Variants in VARS2 observed in about 807,000 individuals in gnomAD.
VARS2 encodes the protein valyl-tRNA synthetase 2, mitochondrial, also known as valine--tRNA ligase, mitochondrial.
A neutral mutation model predicts 154.1 loss-of-function variants in VARS2; 105 were observed. That is an observed-to-expected ratio of 0.68 (90% CI 0.58 to 0.80). VARS2 has a LOEUF of 0.80. VARS2 is among the 30% of genes least tolerant of loss of function. The pLI is 0.00. For missense variants in VARS2, 1,157 were observed against 1,361.4 expected, an observed-to-expected ratio of 0.85 and a Z score of 2.36; for synonymous variants, 483 against 539.5, an observed-to-expected ratio of 0.90 and a Z score of 1.45.
At chr6:30,925,509 T>C in intron 27 of VARS2, 35 bp from the exon 28 acceptor site, 30 of 1,559,320 alleles carry the variant, frequency 1.9e-5, no homozygotes, top group Non-Finnish European at 2.6e-5. Flanking sequence ...AGGCAGGAGC[T>C]GAGGCCTTGC....
Position 30,923,517 on chromosome 6 carries a change from TG to T in VARS2, c.2466+17del. The T allele has an allele frequency of 6.2e-7, 1 of 1,603,438 alleles. No homozygotes were observed. The highest frequency in any genetic ancestry group is 8.5e-7 in the Non-Finnish European group (1 of 1,174,868). ...GTGACGTCTACCTGGTGAGTGAGGCTGGGGGAGGCTTGGTATTCCCATGCCT... is the reference window on the plus strand; with the variant it reads ...GTGACGTCTACCTGGTGAGTGAGGCTGGGGAGGCTTGGTATTCCCATGCCT... On this transcript the variant is annotated intron_variant, in intron 25 of 29. Transcript: ENST00000676266.
In VARS2 at chr6:30,917,189, TC is replaced by T; in HGVS notation, c.839del (p.Ser280TyrfsTer4). On this transcript the variant is annotated frameshift_variant, in exon 9 of 30. Coordinates refer to ENST00000676266, the MANE Select transcript of VARS2 (RefSeq NM_020442.6). LOFTEE classifies it high-confidence loss of function. This position sits in a 1 kb window ranked among gnomAD's most constrained non-coding sequence, Gnocchi z 4.4. ...LYRNHQLVNW[S>X]CALRSAISDI... is the part of the protein sequence containing the mutation. ...CCGGAACCATCAGCTTGTCAACTGG[TC>T]ATGTGCTTTAAGATCAGCCATCTCG... 6.2e-7 allele frequency: 1 copy of T among 1,614,122 alleles called. No homozygotes were observed. The highest frequency in any genetic ancestry group is 8.5e-7 in the Non-Finnish European group (1 of 1,180,014).
Position 30,921,416 on chromosome 6 carries a change from T to G in VARS2, c.1632+111T>G. The G allele has an allele frequency of 6.8e-7, 1 of 1,470,666 alleles. No homozygotes were observed. Among genetic ancestry groups the G allele is most frequent in the Non-Finnish European group, 9.4e-7 (1 of 1,062,984 alleles). The allele number at this position is 1,470,666 out of a possible 1,614,324, so 91.1% of individuals were successfully genotyped here. A position where few individuals can be genotyped will look rare whatever the true frequency, so the allele number is the denominator to read the frequency against. On this transcript the variant is annotated intron_variant, in intron 17 of 29. Coordinates refer to ENST00000676266, the MANE Select transcript of VARS2 (RefSeq NM_020442.6). This position sits in a 1 kb window ranked among gnomAD's most constrained non-coding sequence, Gnocchi z 4.6. ...TCCTGCCTGGTCATGTGCTTCATGC[T>G]CATAGTCATGTAACCTTCTGCGCGA...
Position 30,918,927 on chromosome 6 carries a change from T to C in VARS2, c.1074+12T>C. On this transcript the variant is annotated intron_variant, in intron 11 of 29. Coordinates refer to ENST00000676266, the MANE Select transcript of VARS2 (RefSeq NM_020442.6). ...ACTCGCGATACACAGTAATACCCAG[T>C]GCGCTCCTGCACTCTGGCCCGCCCC... is the stretch of plus-strand genomic sequence containing the variant. 2 of 1,611,016 alleles carry C rather than the reference T, an allele frequency of 1.2e-6. No homozygotes were observed. Among genetic ancestry groups the C allele is most frequent in the Non-Finnish European group, 1.7e-6 (2 of 1,178,840 alleles).
In VARS2 at chr6:30,914,245, TG is replaced by T; in HGVS notation, c.-126del. 1 of 702,508 alleles carries T rather than the reference TG, an allele frequency of 1.4e-6. No homozygotes were observed. Among genetic ancestry groups the T allele is most frequent in the Non-Finnish European group, 2.0e-6 (1 of 507,810 alleles). 43.5% of individuals were successfully genotyped at this position (702,508 alleles called of 1,614,324 possible). A position where few individuals can be genotyped will look rare whatever the true frequency, so the allele number is the denominator to read the frequency against. Reference sequence around the variant, plus strand: ...TGCGCCGGCCGGGGCCCCGCCCCCATGCGCCGCGCGGCTCCAGGGCCACGTT... The same window carrying T: ...TGCGCCGGCCGGGGCCCCGCCCCCATCGCCGCGCGGCTCCAGGGCCACGTT... On this transcript the variant is annotated 5_prime_UTR_variant, in exon 1 of 30. An upstream start codon of the reference 5' UTR is lost. Transcript: ENST00000676266.
rs1189128323 is a variant in VARS2 at position 30,921,065 on chromosome 6, G to T, written c.1480G>T (p.Ala494Ser). Residue 494 changes from alanine to serine, a missense_variant and splice_region_variant, in exon 16 of 30, where the codon GCT becomes TCT. By Grantham distance (99) the Ala-to-Ser change is moderately conservative. Coordinates refer to ENST00000676266, the MANE Select transcript of VARS2 (RefSeq NM_020442.6). This position sits in a 1 kb window ranked among gnomAD's most constrained non-coding sequence, Gnocchi z 4.6. Reference sequence around the variant, plus strand: ...TGTCTAAAGTCCCCTTTCTCTCCAGGCTGTGGAGTCGGGGGCCCTGGAGCT... The same window carrying T: ...TGTCTAAAGTCCCCTTTCTCTCCAGTCTGTGGAGTCGGGGGCCCTGGAGCT... ...CQEMGARAAKAVESGALELSP... is the reference protein window; with the variant it reads ...CQEMGARAAKSVESGALELSP... 3.1e-6 allele frequency: 5 copies of T among 1,611,030 alleles called. No individual in the cohort carries two copies. Among genetic ancestry groups the T allele is most frequent in the Non-Finnish European group, 4.2e-6 (5 of 1,178,560 alleles).
At position 30,924,530 on chromosome 6, in the gene VARS2, G is replaced by T; in HGVS notation, c.2643G>T (p.Ser881=). 1 of 1,572,984 alleles carries T rather than the reference G, an allele frequency of 6.4e-7. No homozygotes were observed. ...RPGCPPAPSI[S]VAPYPSACSL... ...GTTGCCCCCCTGCCCCCAGCATCTC[G>T]GTTGCCCCCTACCCCAGCGCCTGCA... Residue 881 remains serine, a synonymous_variant, in exon 26 of 30, where the codon TCG becomes TCT. Transcript: ENST00000676266.
At chr6:30,918,951 C>T (rs776206159) in intron 11 of VARS2, 36 bp downstream of exon 11, 3 of 1,574,528 alleles carry the variant, frequency 1.9e-6, no homozygotes, top group South Asian at 1.1e-5. Flanking sequence ...CTGGCCCGCC[C>T]CGCCAATGGC....
chr6:30,922,382 T>G, intron 20 of VARS2, 68 bp from the exon 21 acceptor site: 1 of 1,606,788 alleles, frequency 6.2e-7, no homozygotes, highest in East Asian at 2.2e-5. Flanking sequence ...CCCCCAAAAG[T>G]ATGGAGGCCA....
In VARS2 at chr6:30,918,866, T is replaced by C. The variant is rs746096726; in HGVS notation, c.1025T>C (p.Leu342Pro). 9 of 1,613,040 alleles carry C rather than the reference T, an allele frequency of 5.6e-6. No homozygotes were observed. The South Asian group carries it at 9.9e-5, about 18-fold the overall frequency. ...VVVGTTRPET[L>P]PGDVAVAVHP... ...GTAGGAACCACAAGGCCAGAGACGC[T>C]GCCTGGAGATGTGGCTGTGGCCGTT... The change falls in exon 11 of 30, where the codon CTG (leucine) becomes CCG (proline). Residue 342 changes from leucine to proline, a missense_variant. Transcript: ENST00000676266.
At position 30,919,793 on chromosome 6, in the gene VARS2, G is replaced by A. The variant is rs1449482372; in HGVS notation, c.1110G>A (p.Met370Ile). The A allele has an allele frequency of 6.3e-7, 1 of 1,593,970 alleles. No homozygotes were observed. The highest frequency in any genetic ancestry group is 1.7e-5 in the Admixed American group (1 of 58,432). Residue 370 changes from methionine (M) to isoleucine (I), a missense_variant, in exon 12 of 30, where the codon ATG (methionine) becomes ATA (isoleucine). Transcript: ENST00000676266. This position sits in a 1 kb window ranked among gnomAD's most constrained non-coding sequence, Gnocchi z 4.5. ...GGCGACAGCTTCGTCACCCCTTGAT[G>A]GGGCAGCCTCTTCCCCTCATCACAG... is the stretch of plus-strand genomic sequence containing the variant. ...LHGRQLRHPL[M>I]GQPLPLITDY...
rs1167926539 is a variant in VARS2, at chr6:30,917,189, T to C, written c.838T>C (p.Ser280Pro). ...LYRNHQLVNW[S>P]CALRSAISDI... is the part of the protein sequence containing the mutation. ...CCGGAACCATCAGCTTGTCAACTGG[T>C]CATGTGCTTTAAGATCAGCCATCTC... Residue 280 changes from serine (S) to proline (P), a missense_variant, in exon 9 of 30, where the codon TCA becomes CCA. By Grantham distance (74) the Ser-to-Pro change is moderately conservative. Coordinates refer to ENST00000676266, the MANE Select transcript of VARS2 (RefSeq NM_020442.6). The surrounding 1 kb of genome is among the most constrained non-coding windows in gnomAD (Gnocchi z 4.4). 6.2e-7 allele frequency: 1 copy of C among 1,614,004 alleles called. No individual in the cohort carries two copies. Among genetic ancestry groups the C allele is most frequent in the Non-Finnish European group, 8.5e-7 (1 of 1,180,022 alleles).
Position 30,916,021 on chromosome 6 carries a change from T to G in VARS2, c.547T>G (p.Ser183Ala), listed in dbSNP as rs753983802. ...GGATCAAGTGCTGTGGGTCCCTGGT[T>G]CAGATCATGCAGGAATTGCTACACA... is the stretch of plus-strand genomic sequence containing the variant. ...RGDQVLWVPG[S>A]DHAGIATQAV... Residue 183 changes from serine (S) to alanine (A), a missense_variant, in exon 6 of 30, where the codon TCA (serine) becomes GCA (alanine). Ser to Ala is a moderately conservative substitution (Grantham distance 99). Coordinates refer to ENST00000676266, the MANE Select transcript of VARS2 (RefSeq NM_020442.6). The surrounding 1 kb of genome is among the most constrained non-coding windows in gnomAD (Gnocchi z 4.0). 155 of 1,613,898 alleles carry G rather than the reference T, an allele frequency of 9.6e-5. 1 individual carries two copies. The East Asian group carries it at 3.5e-3, about 36-fold the overall frequency.
Position 30,916,473 on chromosome 6 carries a change from TG to T in VARS2, c.671+225del, listed in dbSNP as rs1457389460. The T allele has an allele frequency of 6.6e-5, 24 of 364,936 alleles. No homozygotes were observed. Among genetic ancestry groups the T allele is most frequent in the Non-Finnish European group, 9.6e-5 (21 of 217,622 alleles). 22.6% of individuals were successfully genotyped at this position (364,936 alleles called of 1,614,324 possible). On this transcript the variant is annotated intron_variant, in intron 7 of 29. Coordinates refer to ENST00000676266, the MANE Select transcript of VARS2 (RefSeq NM_020442.6). The surrounding 1 kb of genome is among the most constrained non-coding windows in gnomAD (Gnocchi z 4.0). Reference sequence around the variant, plus strand: ...ATATTCGTGTGTGTGTGTGTGTGTGTGTGTATTTATATATATATATATATTT... The same window carrying T: ...ATATTCGTGTGTGTGTGTGTGTGTGTTGTATTTATATATATATATATATTT...
intron 2 of VARS2, 45 bp downstream of exon 2, chr6:30,915,082 G>A (rs1442667445): frequency 6.2e-7 from 1 of 1,610,904 alleles, no homozygotes. Context: ...AGACTTGAGA[G>A]GGGCTGGAGG....
At position 30,920,783 on chromosome 6, in the gene VARS2, G is replaced by A. The variant is rs1180925481; in HGVS notation, c.1479+34G>A. ...GCAGTGTAGGAAGGACTGGGGCCAG[G>A]GGTTGGGGGAGCTCCCTGAGAATTG... On this transcript the variant is annotated intron_variant, in intron 15 of 29. Transcript: ENST00000676266. This position sits in a 1 kb window ranked among gnomAD's most constrained non-coding sequence, Gnocchi z 4.6. 2 of 1,505,350 alleles carry A rather than the reference G, an allele frequency of 1.3e-6. No individual in the cohort carries two copies. The highest frequency in any genetic ancestry group is 1.4e-5 in the African/African-American group (1 of 71,986). 93.2% of individuals were successfully genotyped at this position (1,505,350 alleles called of 1,614,324 possible). A position where few individuals can be genotyped will look rare whatever the true frequency, so the allele number is the denominator to read the frequency against.
At chr6:30,922,614 G>C in intron 21 of VARS2, 60 bp downstream of exon 21, 1 of 1,562,874 alleles carries the variant, frequency 6.4e-7, no homozygotes, top group Non-Finnish European at 8.7e-7. Flanking sequence ...AGAGAGGAAG[G>C]CAGGCTGAGG....
chr6:30,922,645 G>A (rs1389149370), intron 21 of VARS2, 61 bp from the exon 22 acceptor site: 11 of 1,583,732 alleles, frequency 6.9e-6, no homozygotes, highest in Admixed American at 1.7e-5. Flanking sequence ...GCCAGCAGGT[G>A]TGACCCTTAT....
rs550135369 is a variant in VARS2 at position 30,919,623 on chromosome 6, T to G, written c.1075-135T>G. On this transcript the variant is annotated intron_variant, in intron 11 of 29. Transcript: ENST00000676266. This position sits in a 1 kb window ranked among gnomAD's most constrained non-coding sequence, Gnocchi z 4.5. ...CTAAAATATCTACATTCTGGCCCCT[T>G]AAGAGTTTGCTGACCTTGCTCTAGC... is the stretch of plus-strand genomic sequence containing the variant. 1.6e-6 allele frequency: 1 copy of G among 608,468 alleles called. No individual in the cohort carries two copies. Among genetic ancestry groups the G allele is most frequent in the South Asian group, 3.5e-5 (1 of 28,360 alleles). The allele number at this position is 608,468 out of a possible 1,614,324, so 37.7% of individuals were successfully genotyped here.
Sources: allele counts gnomAD v4.1 joint callset, GRCh38; gene constraint gnomAD v4.1.1; non-coding constraint Gnocchi (gnomAD v3.1); transcripts MANE v1.5; gene names NCBI Gene and HGNC (gene_info 2026-07-23, HGNC 2026-07-21).